The following NRXN3 variants were observed in gnomAD, a reference collection of about 807,000 sequenced individuals.
NRXN3 encodes the protein neurexin 3, also known as neurexin III.
In NRXN3, 32 loss-of-function variants were observed where a neutral mutation model predicts 137.6. That is an observed-to-expected ratio of 0.23 (90% CI 0.18 to 0.31). The LOEUF (loss-of-function observed/expected upper bound fraction) is 0.31, where lower values mean the gene tolerates loss of function less well. Among genes scored for constraint, NRXN3 ranks in the 10% least tolerant of loss-of-function variants. The probability of loss-of-function intolerance (pLI) is 1.00; values close to 1 mark genes in which losing one functional copy is unlikely to be tolerated. For missense variants in NRXN3, 1,574 were observed against 2,062.5 expected (o/e 0.76, Z 4.59); for synonymous variants, 798 against 784.5 (o/e 1.02, Z -0.29).
intron 19 of NRXN3, among the ~76,000 whole-genome samples, chr14:79,724,035 G>A (rs887028501): frequency 6.6e-6 from 1 of 152,088 alleles, no homozygotes; most frequent in Non-Finnish European, 1.5e-5. Context: ...CCAGGTTTAC[G>A]GAAGAAGGAA....
chr14:78,217,257 A>G (rs1008894379), intron 1 of NRXN3, among the ~76,000 whole-genome samples: 21 of 152,372 alleles, frequency 1.4e-4, no homozygotes, highest in African/African-American at 4.6e-4. Flanking sequence ...AACAATTGAC[A>G]TATATTTTCT....
intron 2 of NRXN3, among the ~76,000 whole-genome samples, chr14:78,264,304 A>G (rs907297142): frequency 5.9e-5 from 9 of 151,992 alleles, no homozygotes; most frequent in Non-Finnish European, 1.2e-4. Context: ...CAGAATTTCC[A>G]CTGACCCAGC....
At chr14:79,818,551 G>T (rs755651639) in intron 20 of NRXN3, among the ~76,000 whole-genome samples, 12 of 151,988 alleles carry the variant, frequency 7.9e-5, no homozygotes, top group Non-Finnish European at 1.5e-4. Context: ...ACAGCTAAAA[G>T]AAAGCAAAAA....
At chr14:78,691,690 T>A (rs901300028) in intron 6 of NRXN3, among the ~76,000 whole-genome samples, 3 of 152,132 alleles carry the variant, frequency 2.0e-5, no homozygotes, top group Non-Finnish European at 4.4e-5. Flanking sequence ...AATAGATATC[T>A]TGAGATATGC....
intron 17 of NRXN3, among the ~76,000 whole-genome samples, chr14:79,667,189 A>G (rs1235836144): frequency 6.6e-6 from 1 of 152,090 alleles, no homozygotes; most frequent in African/African-American, 2.4e-5. Context: ...GGCAGTCTTG[A>G]CAGTTTCTAC....
Position 79,582,148 on chromosome 14 carries a change from GCA to G in NRXN3, c.3445-81627_3445-81626del, listed in dbSNP as rs753969175. On this transcript the variant is annotated intron_variant, in intron 16 of 20. Transcript: ENST00000335750. Reference sequence around the variant, plus strand: ...AGTAGAGACAAAGTCTTGCTATGTTGCACAGACTGGTCTCAAATTCCTGAGTT... The same window carrying G: ...AGTAGAGACAAAGTCTTGCTATGTTGCAGACTGGTCTCAAATTCCTGAGTT... Among the ~76,000 whole-genome samples the G allele has an allele frequency of 9.9e-5, 15 of 152,218 alleles. No individual in the cohort carries two copies. In the South Asian group the frequency reaches 1.0e-3, roughly 11 times the overall value.
At chr14:78,430,054 C>T (rs779750222) in intron 4 of NRXN3, among the ~76,000 whole-genome samples, 5 of 152,070 alleles carry the variant, frequency 3.3e-5, no homozygotes, top group Non-Finnish European at 5.9e-5. Flanking sequence ...GGCAACATAG[C>T]AAGACCCCAC....
At chr14:79,219,862 T>C (rs1168270802) in intron 15 of NRXN3, among the ~76,000 whole-genome samples, 1 of 152,166 alleles carries the variant, frequency 6.6e-6, no homozygotes, top group Non-Finnish European at 1.5e-5. Context: ...TGTTTTCCCA[T>C]CAAAATGGGA....
At chr14:79,718,043 C>T (rs927979234) in intron 19 of NRXN3, among the ~76,000 whole-genome samples, 4 of 151,982 alleles carry the variant, frequency 2.6e-5, no homozygotes, top group East Asian at 1.9e-4. Flanking sequence ...CAGAGACTAC[C>T]GATAAATAAA....
intron 15 of NRXN3, among the ~76,000 whole-genome samples, chr14:79,449,812 A>C (rs2096133529): frequency 6.6e-6 from 1 of 152,042 alleles, no homozygotes; most frequent in Admixed American, 6.6e-5. Context: ...TAACATGGTG[A>C]AACCCCGTCT....
At chr14:78,860,018 T>C (rs1295631705) in intron 10 of NRXN3, among the ~76,000 whole-genome samples, 1 of 152,170 alleles carries the variant, frequency 6.6e-6, no homozygotes, top group African/African-American at 2.4e-5. Flanking sequence ...GGAAAGAACA[T>C]GTAGGCTTAA....
chr14:78,409,596 G>T (rs1293594260), intron 4 of NRXN3, among the ~76,000 whole-genome samples: 1 of 152,194 alleles, frequency 6.6e-6, no homozygotes, highest in African/African-American at 2.4e-5. Context: ...GCATTCAAAG[G>T]CACCTGAGAT....
chr14:79,523,351 G>A (rs1465133190), intron 16 of NRXN3, among the ~76,000 whole-genome samples: 1 of 152,128 alleles, frequency 6.6e-6, no homozygotes, highest in Non-Finnish European at 1.5e-5. Context: ...CTTTAATGGG[G>A]TCTCAGCTTG....
chr14:78,346,487 G>A (rs984249226), intron 4 of NRXN3, among the ~76,000 whole-genome samples: 8 of 152,164 alleles, frequency 5.3e-5, no homozygotes, highest in African/African-American at 1.9e-4. Context: ...CAGTTGCAGT[G>A]GCCCTGTGGA....
intron 15 of NRXN3, among the ~76,000 whole-genome samples, chr14:79,387,754 C>A (rs1156294510): frequency 2.6e-5 from 4 of 151,882 alleles, no homozygotes; most frequent in Non-Finnish European, 5.9e-5. Context: ...CACATATACA[C>A]CATGGAATAC....
intron 16 of NRXN3, among the ~76,000 whole-genome samples, chr14:79,626,676 T>C (rs2098285082): frequency 6.6e-6 from 1 of 152,206 alleles, no homozygotes; most frequent in Non-Finnish European, 1.5e-5. Context: ...TTATCCTTTA[T>C]TCAGTTTCAT....
At chr14:78,633,346 G>A (rs2097539812) in intron 4 of NRXN3, among the ~76,000 whole-genome samples, 2 of 150,970 alleles carry the variant, frequency 1.3e-5, no homozygotes, top group Non-Finnish European at 2.9e-5. Flanking sequence ...CACCATATTA[G>A]TACTATAATT....
At chr14:78,512,795 G>A (rs530446395) in intron 4 of NRXN3, among the ~76,000 whole-genome samples, 83 of 152,282 alleles carry the variant, frequency 5.5e-4, no homozygotes, top group Non-Finnish European at 1.0e-3. Context: ...ACCTGCAGGC[G>A]AAAACCACAA....
intron 15 of NRXN3, among the ~76,000 whole-genome samples, chr14:79,419,606 G>GGA (rs142706684): frequency 2.0e-5 from 3 of 151,834 alleles, no homozygotes; most frequent in African/African-American, 4.8e-5. Flanking sequence ...TTTAAAGAGG[G>GGA]GAGAGAGAGA....
Sources: allele counts gnomAD v4.1 joint callset (sites outside exome capture counted in the v4.1 genomes callset), GRCh38; gene constraint gnomAD v4.1.1; transcripts MANE v1.5; gene names NCBI Gene and HGNC (gene_info 2026-07-23, HGNC 2026-07-21).